The following DNAAF1 variants were observed in gnomAD, a reference collection of about 807,000 sequenced individuals.
The protein encoded by DNAAF1 is dynein assembly factor 1, axonemal.
A neutral mutation model predicts 71.1 loss-of-function variants in DNAAF1; 65 were observed. The ratio of observed to expected loss-of-function variants is 0.91; its 90% CI spans 0.75 to 1.12. The LOEUF (loss-of-function observed/expected upper bound fraction) is 1.12, where lower values mean the gene tolerates loss of function less well. Ranked by LOEUF, DNAAF1 falls within the 50% of genes most tolerant of loss-of-function variation. DNAAF1 has a pLI of 0.00. For missense variants in DNAAF1, 1,178 were observed against 899.8 expected (o/e 1.31, Z -3.96); for synonymous variants, 414 against 354.6 (o/e 1.17, Z -1.88).
chr16:84,169,927 G>A lies in DNAAF1; in HGVS notation c.1099G>A (p.Gly367Arg), dbSNP rs763129355. ...TGCGGAAGGCAAGGAGGAGCCTCCC[G>A]GGGACAGAGAAACAAGGCAGAAGAT... ...ASAEGKEEPPGDRETRQKMEL... is the reference protein window; with the variant it reads ...ASAEGKEEPPRDRETRQKMEL... The change falls in exon 8 of 12, where the codon GGG (glycine) becomes AGG (arginine). Residue 367 changes from glycine (G) to arginine (R), a missense_variant. Transcript: ENST00000378553. 104 of 1,614,028 alleles carry A rather than the reference G, an allele frequency of 6.4e-5. 1 individual carries two copies. In the Middle Eastern group the frequency reaches 6.7e-4, roughly 10 times the overall value.
chr16:84,158,969 G>A (rs1182080907), intron 5 of DNAAF1: 1 of 937,910 alleles, frequency 1.1e-6, no homozygotes, highest in Non-Finnish European at 1.3e-6. Flanking sequence ...GACCTCAAGT[G>A]ATCCACCCAC....
rs200506263 is a variant in DNAAF1 at position 84,154,676 on chromosome 16, C to A, written c.452C>A (p.Thr151Asn). Residue 151 changes from threonine (T) to asparagine (N), a missense_variant, in exon 4 of 12, where the codon ACT (threonine) becomes AAT (asparagine). Transcript: ENST00000378553. The part of the protein sequence containing the change: ...IQKIENLEAQ[T>N]ELRCLFLQMN... Reference sequence around the variant, plus strand: ...AAAATCGAAAACCTGGAGGCCCAAACTGAGTTGCGTTGCCTCTTCTTGCAA... The same window carrying A: ...AAAATCGAAAACCTGGAGGCCCAAAATGAGTTGCGTTGCCTCTTCTTGCAA... 5.6e-6 allele frequency: 9 copies of A among 1,614,176 alleles called. No individual in the cohort carries two copies. In the East Asian group the frequency reaches 2.0e-4, roughly 36 times the overall value.
chr16:84,172,231 T>A (rs1287936992), intron 8 of DNAAF1, 29 bp from the exon 9 acceptor site: 1 of 1,609,150 alleles, frequency 6.2e-7, no homozygotes, highest in Admixed American at 1.7e-5. Flanking sequence ...TGTGTTAAAC[T>A]AACTCCAAGA....
intron 7 of DNAAF1, among the ~76,000 whole-genome samples, chr16:84,167,896 A>G (rs2088108941): frequency 6.6e-6 from 1 of 152,132 alleles, no homozygotes; most frequent in African/African-American, 2.4e-5. Context: ...ACAAGCCTAT[A>G]ATCCCAGCTA....
Position 84,177,858 on chromosome 16 carries a change from G to T in DNAAF1, c.*17G>T. On this transcript the variant is annotated 3_prime_UTR_variant, in exon 12 of 12. Transcript: ENST00000378553. The stretch of plus-strand genomic sequence containing the variant: ...GCATCATAGTTTTCCCCAGTTATAT[G>T]TAGCATAAATGGTTTAATCATAAAT... 1.3e-6 allele frequency: 2 copies of T among 1,592,720 alleles called. No individual in the cohort carries two copies. The highest frequency in any genetic ancestry group is 1.7e-6 in the Non-Finnish European group (2 of 1,160,682).
chr16:84,155,893 C>T, intron 5 of DNAAF1, 144 bp downstream of exon 5: 1 of 1,099,588 alleles, frequency 9.1e-7, no homozygotes, highest in Non-Finnish European at 1.3e-6. Context: ...GTGTTTTTAG[C>T]TGGAGTATCT....
At position 84,154,707 on chromosome 16, in the gene DNAAF1, C is replaced by T. The variant is rs762000021; in HGVS notation, c.483C>T (p.Asn161=). 1 of 1,614,150 alleles carries T rather than the reference C, an allele frequency of 6.2e-7. No homozygotes were observed. Among genetic ancestry groups the T allele is most frequent in the South Asian group, 1.1e-5 (1 of 91,076 alleles). The change falls in exon 4 of 12, where the codon AAC becomes AAT. Residue 161 remains asparagine, a synonymous_variant. Transcript: ENST00000378553. Reference sequence around the variant, plus strand: ...TGCGTTGCCTCTTCTTGCAAATGAACTTGCTCCGTAAAATTGAGAACCTGG... The same window carrying T: ...TGCGTTGCCTCTTCTTGCAAATGAATTTGCTCCGTAAAATTGAGAACCTGG... The part of the protein sequence containing the change: ...TELRCLFLQM[N]LLRKIENLEP...
At chr16:84,148,926 G>A (rs2087053430) in intron 1 of DNAAF1, 81 bp from the exon 2 acceptor site, 1 of 1,503,316 alleles carries the variant, frequency 6.7e-7, no homozygotes, top group East Asian at 2.3e-5. Flanking sequence ...AAAAGTGGAT[G>A]GTCATTAACC....
intron 6 of DNAAF1, among the ~76,000 whole-genome samples, chr16:84,160,924 G>A (rs868110398): frequency 8.0e-5 from 12 of 149,330 alleles, no homozygotes; most frequent in Non-Finnish European, 1.3e-4. Context: ...GCAACAGAGC[G>A]AGACTCCGTC....
At chr16:84,155,545 T>C in intron 4 of DNAAF1, 38 bp from the exon 5 acceptor site, 1 of 1,612,640 alleles carries the variant, frequency 6.2e-7, no homozygotes, top group Non-Finnish European at 8.5e-7. Flanking sequence ...AGCATTTTTA[T>C]GCCTTTGTTT....
chr16:84,174,565 G>C, intron 9 of DNAAF1, 104 bp from the exon 10 acceptor site: 1 of 1,603,698 alleles, frequency 6.2e-7, no homozygotes, highest in Non-Finnish European at 8.5e-7. Context: ...TTGAGTAACT[G>C]TAACTAAGGC....
chr16:84,175,870 G>A, intron 10 of DNAAF1, 63 bp from the exon 11 acceptor site: 3 of 1,580,634 alleles, frequency 1.9e-6, no homozygotes, highest in Non-Finnish European at 2.6e-6. Flanking sequence ...CTGGCATGGT[G>A]CATTGTAGAG....
At chr16:84,169,077 CTTTTTTT>C (rs567267370) in intron 7 of DNAAF1, among the ~76,000 whole-genome samples, 6 of 71,188 alleles carry the variant, frequency 8.4e-5, no homozygotes, top group African/African-American at 2.3e-4. Context: ...CTCAAGGATA[CTTTTTTT>C]TTTTTTTTTT....
At chr16:84,160,497 C>T (rs1294784431) in intron 6 of DNAAF1, among the ~76,000 whole-genome samples, 1 of 152,154 alleles carries the variant, frequency 6.6e-6, no homozygotes, top group African/African-American at 2.4e-5. Flanking sequence ...AAATATCAGT[C>T]ATATAGGCTA....
At chr16:84,172,067 G>C (rs529291256) in intron 8 of DNAAF1, among the ~76,000 whole-genome samples, 193 bp from the exon 9 acceptor site, 3 of 151,482 alleles carry the variant, frequency 2.0e-5, no homozygotes, top group African/African-American at 7.3e-5. Context: ...TAATAGACAC[G>C]GGGGTTTCAC....
intron 7 of DNAAF1, among the ~76,000 whole-genome samples, 147 bp from the exon 8 acceptor site, chr16:84,169,704 AGCCACCGC>A (rs2088221067): frequency 6.6e-6 from 1 of 152,120 alleles, no homozygotes; most frequent in African/African-American, 2.4e-5. Flanking sequence ...TACAGGCACG[AGCCACCGC>A]GCCCAGCCCC....
At chr16:84,160,661 G>C (rs960194850) in intron 6 of DNAAF1, among the ~76,000 whole-genome samples, 1 of 152,138 alleles carries the variant, frequency 6.6e-6, no homozygotes, top group African/African-American at 2.4e-5. Flanking sequence ...AGGGCCGGGC[G>C]TGGTGGCTCA....
chr16:84,155,468 G>T, intron 4 of DNAAF1, 115 bp from the exon 5 acceptor site: 2 of 1,218,386 alleles, frequency 1.6e-6, no homozygotes, highest in Non-Finnish European at 2.4e-6. Context: ...GGGCTCGAAA[G>T]ATTCTCCCGC....
intron 2 of DNAAF1, 105 bp downstream of exon 2, chr16:84,149,247 G>T (rs1277196402): frequency 1.3e-5 from 19 of 1,436,748 alleles, no homozygotes; most frequent in Non-Finnish European, 1.9e-5. Flanking sequence ...AGATTGAATT[G>T]CCTGCCCAAT....
Sources: allele counts gnomAD v4.1 joint callset (sites outside exome capture counted in the v4.1 genomes callset), GRCh38; gene constraint gnomAD v4.1.1; transcripts MANE v1.5; gene names NCBI Gene and HGNC (gene_info 2026-07-23, HGNC 2026-07-21).